Variants in KIF3C observed in about 807,000 individuals in gnomAD.
KIF3C encodes kinesin-like protein KIF3C.
A neutral mutation model predicts 67.7 loss-of-function variants in KIF3C; 12 were observed. That is an observed-to-expected ratio of 0.18 (90% CI 0.11 to 0.29). The LOEUF (loss-of-function observed/expected upper bound fraction) is 0.29, where lower values mean the gene tolerates loss of function less well. KIF3C is among the 10% of genes least tolerant of loss of function. The probability of loss-of-function intolerance (pLI) is 1.00; values close to 1 mark genes in which losing one functional copy is unlikely to be tolerated. For synonymous variants in KIF3C, 393 were observed against 426.2 expected (o/e 0.92, Z 0.96); for missense variants, 789 against 1,059.6 (o/e 0.74, Z 3.55).
intron 5 of KIF3C, among the ~76,000 whole-genome samples, chr2:25,935,860 G>A (rs927299761): frequency 6.6e-6 from 1 of 151,740 alleles, no homozygotes; most frequent in Admixed American, 6.6e-5. Context: ...GGTGGATCAC[G>A]AGGTCAGGAG....
chr2:25,965,047 G>A (rs1664105287), intron 1 of KIF3C, among the ~76,000 whole-genome samples: 1 of 152,172 alleles, frequency 6.6e-6, no homozygotes. Context: ...ATGACTAACT[G>A]GCCACTATCA....
chr2:25,929,616 C>CTT (rs757531235), intron 6 of KIF3C, 139 bp from the exon 7 acceptor site: 310 of 515,568 alleles, frequency 6.0e-4, no homozygotes, highest in East Asian at 1.0e-3. Context: ...CCCATAGGCT[C>CTT]TTTTTTTTTT....
intron 5 of KIF3C, among the ~76,000 whole-genome samples, chr2:25,932,551 C>T (rs940897793): frequency 2.0e-5 from 3 of 151,470 alleles, no homozygotes; most frequent in African/African-American, 4.9e-5. Context: ...TATTACAAAG[C>T]GCCAGGTGTG....
At chr2:25,940,884 C>T (rs1325084493) in intron 5 of KIF3C, among the ~76,000 whole-genome samples, 1 of 151,902 alleles carries the variant, frequency 6.6e-6, no homozygotes, top group Non-Finnish European at 1.5e-5. Context: ...AACTCCTGAC[C>T]TCAGGTTATC....
At chr2:25,965,036 G>A (rs947821655) in intron 1 of KIF3C, among the ~76,000 whole-genome samples, 16 of 152,166 alleles carry the variant, frequency 1.1e-4, no homozygotes, top group African/African-American at 3.6e-4. Context: ...AATCCTGGAC[G>A]ATGACTAACT....
intron 5 of KIF3C, among the ~76,000 whole-genome samples, chr2:25,946,347 G>C (rs944569332): frequency 6.6e-6 from 1 of 151,944 alleles, no homozygotes; most frequent in Non-Finnish European, 1.5e-5. Flanking sequence ...TTGAGATCAG[G>C]AGTTCGAGAC....
chr2:25,969,782 C>T (rs1007569642), intron 1 of KIF3C, among the ~76,000 whole-genome samples: 2 of 151,128 alleles, frequency 1.3e-5, no homozygotes. Flanking sequence ...GTGGCGTGAT[C>T]TTGGCTCACT....
At chr2:25,968,409 G>A (rs1664196658) in intron 1 of KIF3C, among the ~76,000 whole-genome samples, 1 of 152,128 alleles carries the variant, frequency 6.6e-6, no homozygotes, top group East Asian at 1.9e-4. Flanking sequence ...GCCCAGAAGT[G>A]CCTCAGCTCA....
rs1293108527 is a variant in KIF3C, at chr2:25,955,190, CCT to C, written c.1770+349_1770+350del. Among the ~76,000 whole-genome samples, 3 of 152,184 alleles carry C rather than the reference CCT, an allele frequency of 2.0e-5. No homozygotes were observed. The highest frequency in any genetic ancestry group is 4.4e-5 in the Non-Finnish European group (3 of 68,026). On this transcript the variant is annotated intron_variant, in intron 3 of 7. Coordinates refer to ENST00000264712, the MANE Select transcript of KIF3C (RefSeq NM_002254.8). The surrounding 1 kb of genome is among the most constrained non-coding windows in gnomAD (Gnocchi z 5.0). ...CCCGGGGTTCCAGTCTCCTCCTCAG[CCT>C]CTCTGTATTCCCCTGGCCCTGCTCC... is the stretch of plus-strand genomic sequence containing the variant.
chr2:25,951,131 C>T lies in KIF3C; in HGVS notation c.2006+658G>A, dbSNP rs138079228. On this transcript the variant is annotated intron_variant, in intron 5 of 7. Coordinates refer to ENST00000264712, the MANE Select transcript of KIF3C (RefSeq NM_002254.8). Reference sequence around the variant, plus strand: ...CTCTCTATATATTTGCAATTAAGGGCCCATGGTTCAGCCGGGCAAGGCCTC... The same window carrying T: ...CTCTCTATATATTTGCAATTAAGGGTCCATGGTTCAGCCGGGCAAGGCCTC... Among the ~76,000 whole-genome samples the T allele has an allele frequency of 1.7e-3, 264 of 152,140 alleles. 2 individuals are homozygous for T. Among genetic ancestry groups the T allele is most frequent in the African/African-American group, 6.1e-3 (254 of 41,484 alleles).
Position 25,951,847 on chromosome 2 carries a change from G to A in KIF3C, c.1948C>T (p.Leu650Phe). The change falls in exon 5 of 8, where the codon CTT (leucine) becomes TTT (phenylalanine). Residue 650 changes from leucine (L) to phenylalanine (F), a missense_variant. Leu to Phe is a conservative substitution (Grantham distance 22). Transcript: ENST00000264712. The stretch of plus-strand genomic sequence containing the variant: ...TGCTCCTCCTCACAGTCCAGGAAAA[G>A]CCGGTTCATGATCTTGTTCTTCTCC... ...PEEKNKIMNR[L>F]FLDCEEEQWK... The A allele has an allele frequency of 6.2e-7, 1 of 1,614,130 alleles. No individual in the cohort carries two copies. Among genetic ancestry groups the A allele is most frequent in the Non-Finnish European group, 8.5e-7 (1 of 1,179,988 alleles).
intron 5 of KIF3C, among the ~76,000 whole-genome samples, chr2:25,948,555 G>A (rs1663503894): frequency 6.7e-6 from 1 of 148,592 alleles, no homozygotes; most frequent in South Asian, 2.1e-4. Flanking sequence ...AAGCAAGAAA[G>A]CAAGCAAGGA....
chr2:25,971,763 G>C (rs12713722), intron 1 of KIF3C, among the ~76,000 whole-genome samples: 2,466 of 151,196 alleles, frequency 0.016, 21 homozygotes, highest in Middle Eastern at 0.038. Flanking sequence ...GCTGGAGTGC[G>C]GTGGCAAGAT....
At chr2:25,954,072 G>A (rs1663731604) in intron 4 of KIF3C, 195 bp downstream of exon 4, 4 of 613,816 alleles carry the variant, frequency 6.5e-6, no homozygotes, top group South Asian at 2.0e-5. Context: ...TCCATTTTGA[G>A]GGGTTCATCA....
intron 1 of KIF3C, among the ~76,000 whole-genome samples, chr2:25,967,448 T>G (rs1664172823): frequency 6.6e-6 from 1 of 152,222 alleles, no homozygotes; most frequent in Non-Finnish European, 1.5e-5. Context: ...TTCAGCCCTT[T>G]GGACTTCCAC....
chr2:25,962,457 C>T (rs1246612728), intron 1 of KIF3C, among the ~76,000 whole-genome samples: 3 of 151,762 alleles, frequency 2.0e-5, no homozygotes, highest in African/African-American at 7.3e-5. Context: ...TCGGCTCACG[C>T]AACCTCCACC....
At chr2:25,952,561 ATATTTT>A (rs1339739038) in intron 4 of KIF3C, among the ~76,000 whole-genome samples, 66 of 86,244 alleles carry the variant, frequency 7.7e-4, no homozygotes, top group East Asian at 2.0e-3. Context: ...ATATATATAT[ATATTTT>A]TTTTTTTTTG....
At chr2:25,976,301 C>T (rs779294211) in intron 1 of KIF3C, among the ~76,000 whole-genome samples, 2 of 152,184 alleles carry the variant, frequency 1.3e-5, no homozygotes, top group African/African-American at 4.8e-5. Flanking sequence ...CAGCCAAGAA[C>T]CCCAGCTCTT....
intron 5 of KIF3C, among the ~76,000 whole-genome samples, chr2:25,937,381 A>G (rs1663161528): frequency 1.3e-5 from 2 of 152,068 alleles, no homozygotes; most frequent in Admixed American, 1.3e-4. Context: ...GTCCCTGCTG[A>G]CCCTCTCTAT....
Sources: allele counts gnomAD v4.1 joint callset (sites outside exome capture counted in the v4.1 genomes callset), GRCh38; gene constraint gnomAD v4.1.1; non-coding constraint Gnocchi (gnomAD v3.1); transcripts MANE v1.5; gene names NCBI Gene and HGNC (gene_info 2026-07-23, HGNC 2026-07-21).